ASTN2: variants seen among roughly 807,000 people sequenced by gnomAD.
ASTN2 encodes astrotactin-2.
A neutral mutation model predicts 139.8 loss-of-function variants in ASTN2; 54 were observed. The observed-to-expected ratio is 0.39, with a 90% CI of 0.31 to 0.48. The LOEUF is 0.48. ASTN2 is among the 20% of genes least tolerant of loss of function. ASTN2 has a pLI of 0.95. For synonymous variants in ASTN2, 756 were observed against 719.5 expected (o/e 1.05, Z -0.81); for missense variants, 1,565 against 1,725.1 (o/e 0.91, Z 1.64).
intron 6 of ASTN2, among the ~76,000 whole-genome samples, chr9:117,010,271 C>T (rs1837481236): frequency 6.6e-6 from 1 of 152,014 alleles, no homozygotes; most frequent in South Asian, 2.1e-4. Context: ...TGGAAATAAG[C>T]CCAAGCAGAA....
At position 116,424,832 on chromosome 9, in the gene ASTN2, A is replaced by ACCTGCCCT. The variant is rs1478540777; in HGVS notation, c.*1011_*1018dup. ...TCAAACTCCTGGCCTCAAGTGATCC[A>ACCTGCCCT]CCTGCCCTGGCCTCCCAAAGTGCTA... On this transcript the variant is annotated 3_prime_UTR_variant, in exon 23 of 23. Coordinates refer to ENST00000313400, the MANE Select transcript of ASTN2 (RefSeq NM_001365068.1). Among the ~76,000 whole-genome samples, 1 of 152,004 alleles carries ACCTGCCCT rather than the reference A, an allele frequency of 6.6e-6. No individual in the cohort carries two copies. The highest frequency in any genetic ancestry group is 1.5e-5 in the Non-Finnish European group (1 of 67,992).
chr9:117,019,187 A>G (rs1249469082), intron 6 of ASTN2, among the ~76,000 whole-genome samples: 1 of 152,254 alleles, frequency 6.6e-6, no homozygotes, highest in Non-Finnish European at 1.5e-5. Flanking sequence ...AGGGAGAAAA[A>G]AAAACAAAGA....
At chr9:117,359,043 C>G (rs1170350507) in intron 1 of ASTN2, among the ~76,000 whole-genome samples, 1 of 152,178 alleles carries the variant, frequency 6.6e-6, no homozygotes, top group Non-Finnish European at 1.5e-5. Flanking sequence ...GATGGACTCT[C>G]AGGTCCCTCA....
intron 11 of ASTN2, among the ~76,000 whole-genome samples, chr9:116,854,497 T>A (rs1219622316): frequency 6.6e-6 from 1 of 152,150 alleles, no homozygotes; most frequent in Non-Finnish European, 1.5e-5. Context: ...CTAAAAACTG[T>A]GTACTTAAGC....
At chr9:117,151,636 A>G (rs973587509) in intron 3 of ASTN2, among the ~76,000 whole-genome samples, 15 of 152,306 alleles carry the variant, frequency 9.8e-5, no homozygotes, top group Admixed American at 2.0e-4. Context: ...CAGAGAAAGT[A>G]CCAATTGCTC....
intron 13 of ASTN2, among the ~76,000 whole-genome samples, chr9:116,804,155 C>T (rs1384625296): frequency 1.3e-5 from 2 of 152,038 alleles, no homozygotes; most frequent in Admixed American, 6.5e-5. Context: ...CAAGGATGAA[C>T]GGTTTTAGTG....
intron 20 of ASTN2, among the ~76,000 whole-genome samples, chr9:116,458,876 A>G (rs1848406426): frequency 6.6e-6 from 1 of 152,022 alleles, no homozygotes; most frequent in Admixed American, 6.6e-5. Flanking sequence ...AAAATATCCG[A>G]TGATTTGTTT....
chr9:116,503,183 A>G (rs765088036), intron 19 of ASTN2, among the ~76,000 whole-genome samples: 2 of 151,310 alleles, frequency 1.3e-5, no homozygotes, highest in African/African-American at 2.4e-5. Context: ...AGGAAGAAGG[A>G]GGGAGGAAGG....
intron 10 of ASTN2, among the ~76,000 whole-genome samples, chr9:116,965,341 G>A (rs12350932): frequency 6.6e-6 from 1 of 152,072 alleles, no homozygotes; most frequent in Admixed American, 6.5e-5. Context: ...TTCCATGGCT[G>A]TATCTGTACA....
chr9:116,785,791 G>A (rs979595855), intron 13 of ASTN2, among the ~76,000 whole-genome samples: 4 of 152,040 alleles, frequency 2.6e-5, no homozygotes, highest in African/African-American at 2.4e-5. Context: ...ATCCACAGTC[G>A]TCTGACATCT....
At chr9:116,529,233 G>T (rs1350274751) in intron 19 of ASTN2, among the ~76,000 whole-genome samples, 1 of 152,298 alleles carries the variant, frequency 6.6e-6, no homozygotes, top group East Asian at 1.9e-4. Context: ...GGCCTTGGGA[G>T]CCCACCTTTT....
chr9:116,461,055 C>T (rs1848471106), intron 20 of ASTN2, among the ~76,000 whole-genome samples: 1 of 152,024 alleles, frequency 6.6e-6, no homozygotes, highest in South Asian at 2.1e-4. Flanking sequence ...GCACATCCTC[C>T]TCTCTCTGCC....
intron 20 of ASTN2, among the ~76,000 whole-genome samples, chr9:116,464,215 G>T (rs968341895): frequency 4.6e-5 from 7 of 152,096 alleles, no homozygotes; most frequent in Non-Finnish European, 1.0e-4. Context: ...ATATCTGTAT[G>T]TCTGAGGCTG....
At chr9:117,084,903 A>G (rs1828522563) in intron 5 of ASTN2, among the ~76,000 whole-genome samples, 1 of 152,188 alleles carries the variant, frequency 6.6e-6, no homozygotes, top group South Asian at 2.1e-4. Context: ...TGGAATTGGC[A>G]TTTTAAAAAG....
chr9:117,108,440 C>CACAT (rs982684736), intron 4 of ASTN2, among the ~76,000 whole-genome samples: 1 of 128,656 alleles, frequency 7.8e-6, no homozygotes, highest in African/African-American at 3.9e-5. Flanking sequence ...CAAAACAAAA[C>CACAT]ACACACACAC....
intron 5 of ASTN2, among the ~76,000 whole-genome samples, chr9:117,070,889 G>A (rs1370059974): frequency 6.7e-6 from 1 of 148,342 alleles, no homozygotes; most frequent in African/African-American, 2.5e-5. Flanking sequence ...CTCTGTATTG[G>A]TTATTCTAGT....
At chr9:116,736,056 A>G (rs1470463859) in intron 13 of ASTN2, among the ~76,000 whole-genome samples, 1 of 152,222 alleles carries the variant, frequency 6.6e-6, no homozygotes, top group Non-Finnish European at 1.5e-5. Context: ...GCTGAAGCAC[A>G]AAGAAGTTAT....
chr9:116,660,810 T>C (rs1230099518), intron 16 of ASTN2, among the ~76,000 whole-genome samples: 1 of 152,202 alleles, frequency 6.6e-6, no homozygotes, highest in African/African-American at 2.4e-5. Flanking sequence ...TCAAGTCACT[T>C]CACCTCTCCA....
chr9:116,890,408 A>G (rs964279572), intron 10 of ASTN2, among the ~76,000 whole-genome samples: 5 of 152,212 alleles, frequency 3.3e-5, no homozygotes, highest in African/African-American at 9.7e-5. Flanking sequence ...TAGTTAAAGG[A>G]AATCTTCTGG....
Sources: gnomAD v4.1 joint callset for allele counts (sites outside exome capture counted in the v4.1 genomes callset) on GRCh38, gnomAD v4.1.1 for gene constraint, MANE v1.5 for transcripts, NCBI Gene and HGNC (gene_info 2026-07-23, HGNC 2026-07-21) for gene names.